Variants in NDRG4 observed in about 807,000 individuals in gnomAD.
NDRG4 encodes the protein NDRG family member 4.
A neutral mutation model predicts 55.8 loss-of-function variants in NDRG4; 38 were observed. That is an observed-to-expected ratio of 0.68 (90% CI 0.53 to 0.89). The LOEUF is 0.89. NDRG4 is among the 40% of genes least tolerant of loss of function. The pLI is 0.00. For missense variants in NDRG4, 455 were observed against 468.6 expected (o/e 0.97, Z 0.27); for synonymous variants, 190 against 182.7 (o/e 1.04, Z -0.32).
intron 1 of NDRG4, among the ~76,000 whole-genome samples, chr16:58,482,782 T>C (rs910730405): frequency 7.1e-6 from 1 of 141,088 alleles, no homozygotes; most frequent in Non-Finnish European, 1.5e-5. Flanking sequence ...TTTTCCTTCC[T>C]TCTCTCTCTC....
chr16:58,501,166 C>A, intron 1 of NDRG4: 1 of 895,064 alleles, frequency 1.1e-6, no homozygotes, highest in Non-Finnish European at 1.5e-6. Context: ...CTGCCGGTTC[C>A]GCAGACGATA....
At chr16:58,467,860 C>T (rs2151545179) in intron 1 of NDRG4, among the ~76,000 whole-genome samples, 1 of 152,344 alleles carries the variant, frequency 6.6e-6, no homozygotes, top group East Asian at 1.9e-4. Context: ...AGCTGGCGTC[C>T]TCAGGCCGCC....
upstream of NDRG4, among the ~76,000 whole-genome samples, chr16:58,495,949 G>A (rs1323841359): frequency 1.3e-5 from 2 of 152,184 alleles, no homozygotes; most frequent in African/African-American, 4.8e-5. Flanking sequence ...GCTGGCCCAG[G>A]CTGGTGGGAA....
exon 2 of NDRG4, chr16:58,487,791 C>A (rs918869019): frequency 6.5e-7 from 1 of 1,544,088 alleles, no homozygotes; most frequent in African/African-American, 1.4e-5. Context: ...GGCCGGGCTG[C>A]AGGAGCTGCG....
In NDRG4 at chr16:58,508,019, C is replaced by A. The variant is rs542521712; in HGVS notation, c.729+20C>A. 2.2e-5 allele frequency: 33 copies of A among 1,531,454 alleles called. No homozygotes were observed. The highest frequency in any genetic ancestry group is 1.8e-4 in the Middle Eastern group (1 of 5,678). 94.9% of individuals were successfully genotyped at this position (1,531,454 alleles called of 1,614,324 possible). A position where few individuals can be genotyped will look rare whatever the true frequency, so the allele number is the denominator to read the frequency against. On this transcript the variant is annotated intron_variant, in intron 10 of 14. Coordinates refer to ENST00000570248, the MANE Select transcript of NDRG4 (RefSeq NM_001242835.2). Reference sequence around the variant, plus strand: ...GGGGTGGTAAGTGAGGGGCTGTGGGCTCACTGGGGGTGGGAGGTAGGGGTG... The same window carrying A: ...GGGGTGGTAAGTGAGGGGCTGTGGGATCACTGGGGGTGGGAGGTAGGGGTG...
rs1311140210 is a variant in NDRG4, at chr16:58,506,369, T to C, written c.373-18T>C. On this transcript the variant is annotated intron_variant, in intron 5 of 14. Transcript: ENST00000570248. ...CCCATCCTGGCCCCGCCCGGCCCTG[T>C]TTCCCCTCTTACTGCAGCTCATCTT... is the stretch of plus-strand genomic sequence containing the variant. 6.2e-7 allele frequency: 1 copy of C among 1,613,304 alleles called. No homozygotes were observed. The highest frequency in any genetic ancestry group is 8.5e-7 in the Non-Finnish European group (1 of 1,179,470).
At chr16:58,481,982 G>A (rs528546723) in intron 1 of NDRG4, among the ~76,000 whole-genome samples, 7 of 152,256 alleles carry the variant, frequency 4.6e-5, no homozygotes, top group African/African-American at 1.7e-4. Context: ...AGGCACTGGT[G>A]TAGCGTCGGG....
At chr16:58,513,841 C>T (rs2039031994), downstream of NDRG4, among the ~76,000 whole-genome samples, 1 of 152,096 alleles carries the variant, frequency 6.6e-6, no homozygotes, top group Non-Finnish European at 1.5e-5. Context: ...GCCTGTAATA[C>T]CAGCTACTCG....
At chr16:58,466,585 C>T (rs1313496629) in intron 1 of NDRG4, among the ~76,000 whole-genome samples, 1 of 152,352 alleles carries the variant, frequency 6.6e-6, no homozygotes, top group Middle Eastern at 3.4e-3. Context: ...TGAGGCCCCT[C>T]TCAGTTACTG....
At chr16:58,493,428 C>T (rs1408828341) in intron 2 of NDRG4, among the ~76,000 whole-genome samples, 1 of 152,200 alleles carries the variant, frequency 6.6e-6, no homozygotes, top group Non-Finnish European at 1.5e-5. Flanking sequence ...GCCACCACAC[C>T]CAGCTAATTT....
intron 1 of NDRG4, chr16:58,465,094 G>A (rs1002868715): frequency 1.6e-6 from 2 of 1,286,568 alleles, no homozygotes; most frequent in East Asian, 5.6e-5. Flanking sequence ...GCAGGGACGG[G>A]GGGGAGGATT....
At chr16:58,495,953 G>GT (rs2036357264), upstream of NDRG4, among the ~76,000 whole-genome samples, 1 of 152,192 alleles carries the variant, frequency 6.6e-6, no homozygotes, top group Admixed American at 6.5e-5. Flanking sequence ...GCCCAGGCTG[G>GT]TGGGAAGGGA....
At chr16:58,477,370 A>G (rs560485333) in intron 1 of NDRG4, among the ~76,000 whole-genome samples, 82 of 152,292 alleles carry the variant, frequency 5.4e-4, no homozygotes, top group African/African-American at 1.9e-3. Context: ...GAGAAAGTAC[A>G]AGATGAGTTT....
Position 58,509,285 on chromosome 16 carries a change from G to A in NDRG4, c.814-16G>A, listed in dbSNP as rs1463983915. The A allele has an allele frequency of 1.2e-6, 2 of 1,614,044 alleles. No individual in the cohort carries two copies. Among genetic ancestry groups the A allele is most frequent in the Non-Finnish European group, 1.7e-6 (2 of 1,179,988 alleles). ...AGGCAGCCAATGAAAGCATGTGCTT[G>A]TCCTGCCCTCCGCAGCCAGGGAAGC... On this transcript the variant is annotated splice_polypyrimidine_tract_variant and intron_variant, in intron 12 of 14. Transcript: ENST00000570248.
intron 5 of NDRG4, 132 bp downstream of exon 5, chr16:58,504,781 C>G (rs1449756320): frequency 1.1e-6 from 1 of 879,346 alleles, no homozygotes; most frequent in African/African-American, 1.7e-5. Context: ...CCCACCTCCT[C>G]TTTATGTAGA....
At chr16:58,511,199 G>T in intron 14 of NDRG4, 1 of 576,706 alleles carries the variant, frequency 1.7e-6, no homozygotes, top group East Asian at 2.9e-5. Context: ...ACCAGCTCAG[G>T]GCTGCCTGGT....
At chr16:58,508,561 A>G (rs1395002634) in intron 10 of NDRG4, among the ~76,000 whole-genome samples, 1 of 152,094 alleles carries the variant, frequency 6.6e-6, no homozygotes, top group Non-Finnish European at 1.5e-5. Flanking sequence ...TCCCATGCCC[A>G]CTGGGAGGTC....
rs1324633475 is a variant in NDRG4 at position 58,501,907 on chromosome 16, G to A, written c.21+1638G>A. 9.0e-6 allele frequency: 4 copies of A among 443,326 alleles called. No homozygotes were observed. In the Admixed American group the frequency reaches 9.5e-5, roughly 10 times the overall value. The allele number at this position is 443,326 out of a possible 1,614,324, so 27.5% of individuals were successfully genotyped here. A position where few individuals can be genotyped will look rare whatever the true frequency, so the allele number is the denominator to read the frequency against. ...TTGGAAGGCACCGCCCTGGGCTCTC[G>A]ACGTCTGACCCCAGGAGGATAACTG... is the stretch of plus-strand genomic sequence containing the variant. On this transcript the variant is annotated intron_variant, in intron 1 of 14. Transcript: ENST00000570248.
chr16:58,515,041 G>A (rs1354876221), downstream of NDRG4, among the ~76,000 whole-genome samples: 1 of 152,178 alleles, frequency 6.6e-6, no homozygotes, highest in East Asian at 1.9e-4. Flanking sequence ...CTAGATCCAG[G>A]AGCCCTCTAG....
Sources: allele counts gnomAD v4.1 joint callset (sites outside exome capture counted in the v4.1 genomes callset), GRCh38; gene constraint gnomAD v4.1.1; transcripts MANE v1.5; gene names NCBI Gene and HGNC (gene_info 2026-07-23, HGNC 2026-07-21).